DPP8: variants seen among roughly 807,000 people sequenced by gnomAD.
DPP8 encodes the protein DPP VIII.
DPP8 carries 31 observed loss-of-function variants against 107.5 expected under a neutral mutation model. The ratio of observed to expected loss-of-function variants is 0.29; its 90% confidence interval spans 0.22 to 0.39. The LOEUF is 0.39. Among genes scored for constraint, DPP8 ranks in the 10% least tolerant of loss-of-function variants. The pLI is 1.00. For synonymous variants in DPP8, 381 were observed against 356.6 expected, an observed-to-expected ratio of 1.07 and a Z score of -0.77; for missense variants, 842 against 1,076.1, an observed-to-expected ratio of 0.78 and a Z score of 3.04.
At chr15:65,476,469 G>T (rs1454983532) in intron 11 of DPP8, among the ~76,000 whole-genome samples, 1 of 152,138 alleles carries the variant, frequency 6.6e-6, no homozygotes, top group African/African-American at 2.4e-5. Flanking sequence ...CTTGGAGCAA[G>T]AAAGACTAAG....
rs746039694 is a variant in DPP8 at position 65,507,656 on chromosome 15, TAAAAAAA to T, written c.260-308_260-302del. On this transcript the variant is annotated intron_variant, in intron 2 of 19. Coordinates refer to ENST00000300141, the MANE Select transcript of DPP8 (RefSeq NM_130434.5). Reference sequence around the variant, plus strand: ...TGGGTAACATAGCAAGATCCCAACTTAAAAAAAAAAAAAAAAAAAAGAAATCTGAGGC... The same window carrying T: ...TGGGTAACATAGCAAGATCCCAACTTAAAAAAAAAAAAAGAAATCTGAGGC... 1.2e-3 allele frequency among the ~76,000 whole-genome samples: 126 copies of T among 105,236 alleles called. 1 individual carries two copies. Among genetic ancestry groups the T allele is most frequent in the Non-Finnish European group, 1.8e-4 (9 of 50,134 alleles). The allele number at this position is 105,236 out of a possible 152,430, so 69.0% of individuals were successfully genotyped here. A position where few individuals can be genotyped will look rare whatever the true frequency, so the allele number is the denominator to read the frequency against.
chr15:65,500,290 T>C (rs762116237), intron 4 of DPP8, among the ~76,000 whole-genome samples: 7 of 152,108 alleles, frequency 4.6e-5, no homozygotes, highest in Non-Finnish European at 7.4e-5. Flanking sequence ...TGGTGGCGCA[T>C]GCCTGTAGTC....
At chr15:65,473,468 G>C (rs1268020977) in intron 12 of DPP8, among the ~76,000 whole-genome samples, 1 of 152,068 alleles carries the variant, frequency 6.6e-6, no homozygotes, top group Non-Finnish European at 1.5e-5. Flanking sequence ...TTAGGTTTGA[G>C]ACCAGCCCAG....
chr15:65,486,601 G>T (rs1014667309), intron 7 of DPP8, among the ~76,000 whole-genome samples: 8 of 143,618 alleles, frequency 5.6e-5, no homozygotes, highest in African/African-American at 2.1e-4. Context: ...CCAACAAGTG[G>T]ATTAAAAAAA....
At chr15:65,482,144 T>C (rs1323604772) in intron 8 of DPP8, among the ~76,000 whole-genome samples, 1 of 152,126 alleles carries the variant, frequency 6.6e-6, no homozygotes, top group Non-Finnish European at 1.5e-5. Flanking sequence ...GTGATCCTCC[T>C]GCCTCAGCCT....
Position 65,480,383 on chromosome 15 carries a change from G to T in DPP8, c.1135C>A (p.Leu379Ile). The T allele has an allele frequency of 6.2e-7, 1 of 1,611,940 alleles. No individual in the cohort carries two copies. Among genetic ancestry groups the T allele is most frequent in the Non-Finnish European group, 8.5e-7 (1 of 1,179,142 alleles). ...PEGKYAWSIL[L>I]DRSQTRLQIV... ...TGTAGGCGAGTCTGGGAGCGATCTA[G>T]TAGGATGGACCAAGCACTATTTAAA... The change falls in exon 10 of 20, where the codon CTA (leucine) becomes ATA (isoleucine). Residue 379 changes from leucine (L) to isoleucine (I), a missense_variant. By Grantham distance (5) the Leu-to-Ile change is conservative (BLOSUM62 2). Around this residue, in one of 2 missense-constraint regions of DPP8, gnomAD observed 663 missense variants for 758.0 expected, o/e 0.87. Transcript: ENST00000300141.
chr15:65,446,784 G>A lies in DPP8; in HGVS notation c.*100C>T. On this transcript the variant is annotated 3_prime_UTR_variant, in exon 20 of 20. Coordinates refer to ENST00000300141, the MANE Select transcript of DPP8 (RefSeq NM_130434.5). ...TTCAGGAGTAGATGTTACATGGCAG[G>A]TATCAAAATGTGATGATCAATTCTG... 8.2e-7 allele frequency: 1 copy of A among 1,219,048 alleles called. No homozygotes were observed. The highest frequency in any genetic ancestry group is 1.1e-6 in the Non-Finnish European group (1 of 889,832). 75.5% of individuals were successfully genotyped at this position (1,219,048 alleles called of 1,614,324 possible). A position where few individuals can be genotyped will look rare whatever the true frequency, so the allele number is the denominator to read the frequency against.
chr15:65,463,684 C>A, intron 15 of DPP8, 77 bp downstream of exon 15: 2 of 1,279,288 alleles, frequency 1.6e-6, no homozygotes, highest in Non-Finnish European at 1.1e-6. Context: ...CTTAAACTGA[C>A]TAGACATTTA....
intron 12 of DPP8, among the ~76,000 whole-genome samples, chr15:65,470,605 CA>C (rs3082806): frequency 2.1e-3 from 218 of 104,872 alleles, no homozygotes; most frequent in Admixed American, 5.8e-3. Flanking sequence ...AGACTTGTCT[CA>C]AAAAAAAAAA....
At chr15:65,463,980 A>C in intron 14 of DPP8, 74 bp from the exon 15 acceptor site, 1 of 1,192,594 alleles carries the variant, frequency 8.4e-7, no homozygotes, top group Non-Finnish European at 1.1e-6. Context: ...ACAAGAAACA[A>C]GATATTAAAA....
At chr15:65,449,564 C>T (rs541902056) in intron 19 of DPP8, among the ~76,000 whole-genome samples, 1 of 152,082 alleles carries the variant, frequency 6.6e-6, no homozygotes, top group African/African-American at 2.4e-5. Flanking sequence ...CATGCACCAC[C>T]ACACCTAGCT....
rs561868083 is a variant in DPP8, at chr15:65,458,170, G to A, written c.1972-1799C>T. Among the ~76,000 whole-genome samples, 8 of 152,312 alleles carry A rather than the reference G, an allele frequency of 5.3e-5. No individual in the cohort carries two copies. In the South Asian group the frequency reaches 1.7e-3, roughly 32 times the overall value. On this transcript the variant is annotated intron_variant, in intron 15 of 19. Coordinates refer to ENST00000300141, the MANE Select transcript of DPP8 (RefSeq NM_130434.5). ...CTTCAGTATCAATTCTTCAAAACCT[G>A]TGTCCTGTTATCATCTAGCCTGATC...
intron 16 of DPP8, among the ~76,000 whole-genome samples, chr15:65,454,783 C>T (rs1174182023): frequency 6.6e-6 from 1 of 152,250 alleles, no homozygotes; most frequent in African/African-American, 2.4e-5. Context: ...CCTCGGCCTC[C>T]CAAATTGCTG....
At chr15:65,512,031 C>T (rs974189777) in intron 2 of DPP8, 6 of 596,854 alleles carry the variant, frequency 1.0e-5, no homozygotes, top group African/African-American at 9.1e-5. Flanking sequence ...AAAGGCATTT[C>T]AAGCTAGCTT....
chr15:65,509,130 T>A (rs2070437758), intron 2 of DPP8, among the ~76,000 whole-genome samples: 1 of 152,198 alleles, frequency 6.6e-6, no homozygotes, highest in African/African-American at 2.4e-5. Context: ...TAAAAAGTTA[T>A]ATATCAGCTG....
At chr15:65,517,318 AG>A (rs1251150008) in intron 1 of DPP8, 167 bp downstream of exon 1, 2 of 151,744 alleles carry the variant, frequency 1.3e-5, no homozygotes. Flanking sequence ...GGAGGGGGGA[AG>A]GGCACCACCG....
intron 13 of DPP8, 112 bp from the exon 14 acceptor site, chr15:65,466,925 C>A (rs1291930213): frequency 2.1e-6 from 3 of 1,404,930 alleles, no homozygotes; most frequent in Non-Finnish European, 2.9e-6. Flanking sequence ...TATTTATGTA[C>A]ATATACAATG....
intron 11 of DPP8, among the ~76,000 whole-genome samples, 154 bp from the exon 12 acceptor site, chr15:65,474,442 A>G (rs1298750542): frequency 6.6e-6 from 1 of 152,190 alleles, no homozygotes; most frequent in Non-Finnish European, 1.5e-5. Context: ...GTTGCACAGC[A>G]TTGTGAATGT....
chr15:65,471,045 T>A (rs1455831972), intron 12 of DPP8, among the ~76,000 whole-genome samples: 3 of 151,952 alleles, frequency 2.0e-5, no homozygotes, highest in Non-Finnish European at 4.4e-5. Context: ...GTGACTCAAA[T>A]AAGGATCAGA....
Sources: gnomAD v4.1 joint callset for allele counts (sites outside exome capture counted in the v4.1 genomes callset) on GRCh38, gnomAD v4.1.1 for gene constraint, gnomAD v4.1.1 regional missense constraint, MANE v1.5 for transcripts, NCBI Gene and HGNC (gene_info 2026-07-23, HGNC 2026-07-21) for gene names.